The following DCAF4 variants were observed in gnomAD, a reference collection of about 807,000 sequenced individuals.
The protein encoded by DCAF4 is DDB1- and CUL4-associated factor 4.
Under a neutral mutation model 60.9 loss-of-function variants are expected in DCAF4, and 37 were observed. The ratio of observed to expected loss-of-function variants is 0.61; its 90% CI spans 0.47 to 0.80. The LOEUF is 0.80. Among genes scored for constraint, DCAF4 ranks in the 30% least tolerant of loss-of-function variants. The probability of loss-of-function intolerance (pLI) is 0.00; values close to 1 mark genes in which losing one functional copy is unlikely to be tolerated. For synonymous variants in DCAF4, 243 were observed against 254.8 expected (o/e 0.95, Z 0.44); for missense variants, 577 against 650.0 (o/e 0.89, Z 1.22).
downstream of DCAF4, among the ~76,000 whole-genome samples, chr14:72,961,446 A>G (rs541358280): frequency 6.6e-6 from 1 of 152,284 alleles, no homozygotes; most frequent in East Asian, 1.9e-4. Flanking sequence ...CTCTACTCAC[A>G]TGATCCTTTG....
chr14:72,936,260 A>G (rs1013734159), intron 1 of DCAF4, among the ~76,000 whole-genome samples: 4 of 152,184 alleles, frequency 2.6e-5, no homozygotes, highest in African/African-American at 7.2e-5. Context: ...GTTTAGGACA[A>G]TGAATAAGAT....
Position 72,941,971 on chromosome 14 carries a change from C to T in DCAF4, c.431+147C>T, listed in dbSNP as rs1890103663. The T allele has an allele frequency of 3.9e-6, 3 of 775,008 alleles. No individual in the cohort carries two copies. The African/African-American group carries it at 5.2e-5, about 14-fold the overall frequency. The allele number at this position is 775,008 out of a possible 1,614,324, so 48.0% of individuals were successfully genotyped here. On this transcript the variant is annotated intron_variant, in intron 5 of 13. Transcript: ENST00000358377. ...TTGAGGGGCTCCAGTTCACACCCTG[C>T]CTTCTGCTGCTTAAACCCACCCTGA...
chr14:72,929,238 G>C (rs1318278365), intron 1 of DCAF4, among the ~76,000 whole-genome samples: 1 of 152,210 alleles, frequency 6.6e-6, no homozygotes, highest in Admixed American at 6.5e-5. Context: ...TCCCAAACCA[G>C]ACACCATTTT....
downstream of DCAF4, among the ~76,000 whole-genome samples, chr14:72,960,123 CCTGA>C (rs1037243011): frequency 9.6e-5 from 9 of 93,494 alleles, no homozygotes; most frequent in Non-Finnish European, 2.1e-4. Context: ...CTGCCAGTAC[CCTGA>C]CTAATACAGC....
At chr14:72,950,697 A>G (rs189496418) in intron 8 of DCAF4, among the ~76,000 whole-genome samples, 2 of 152,328 alleles carry the variant, frequency 1.3e-5, no homozygotes, top group Non-Finnish European at 2.9e-5. Flanking sequence ...ACCCACATGT[A>G]GTCAGGGAAA....
intron 11 of DCAF4, 151 bp from the exon 12 acceptor site, chr14:72,955,372 C>A: frequency 2.2e-6 from 2 of 893,816 alleles, no homozygotes; most frequent in Admixed American, 4.8e-5. Flanking sequence ...TCCCTTCCAA[C>A]TCCATTGAGA....
chr14:72,947,291 G>A, intron 8 of DCAF4, 100 bp downstream of exon 8: 1 of 1,347,470 alleles, frequency 7.4e-7, no homozygotes, highest in Non-Finnish European at 1.1e-6. Context: ...AGTGACCAGA[G>A]GACTAGACCC....
chr14:72,953,930 A>T (rs377286626), intron 9 of DCAF4, among the ~76,000 whole-genome samples: 2 of 150,088 alleles, frequency 1.3e-5, no homozygotes, highest in Non-Finnish European at 3.0e-5. Context: ...TATCAGTACT[A>T]TTCGTACTGT....
intron 7 of DCAF4, among the ~76,000 whole-genome samples, chr14:72,946,334 G>C (rs1890743420): frequency 6.6e-6 from 1 of 151,980 alleles, no homozygotes; most frequent in Admixed American, 6.6e-5. Flanking sequence ...GAGCCCAGGA[G>C]ATCAAGGCTG....
chr14:72,938,905 T>C (rs1020525740), intron 2 of DCAF4, among the ~76,000 whole-genome samples: 4 of 152,042 alleles, frequency 2.6e-5, no homozygotes, highest in Non-Finnish European at 5.9e-5. Context: ...ATTACATTTA[T>C]TTATTTATTT....
intron 1 of DCAF4, among the ~76,000 whole-genome samples, chr14:72,932,685 C>T (rs1397511357): frequency 6.6e-6 from 1 of 152,150 alleles, no homozygotes; most frequent in Non-Finnish European, 1.5e-5. Context: ...TCGAGTGCTT[C>T]CTACATAGAA....
intron 1 of DCAF4, among the ~76,000 whole-genome samples, chr14:72,930,200 GT>G (rs1258287394): frequency 1.3e-5 from 2 of 151,796 alleles, no homozygotes; most frequent in African/African-American, 2.4e-5. Context: ...GACTAATGAT[GT>G]TGGGTATCTT....
chr14:72,951,170 A>G (rs1211480964), intron 8 of DCAF4, among the ~76,000 whole-genome samples: 1 of 151,926 alleles, frequency 6.6e-6, no homozygotes, highest in African/African-American at 2.4e-5. Flanking sequence ...TTGTAGAGAC[A>G]AGGTTTTGCT....
At chr14:72,927,077 A>T (rs968672661) in intron 1 of DCAF4, 1 of 152,330 alleles carries the variant, frequency 6.6e-6, no homozygotes, top group Non-Finnish European at 1.5e-5. Context: ...GGGGTAGCGC[A>T]CAACTAGCAA....
rs768864757 is a variant in DCAF4, at chr14:72,951,808, A to C, written c.739A>C (p.Met247Leu). Reference protein sequence around the residue: ...HLDSHILLCLMGLAETPGCAT... With the variant: ...HLDSHILLCLLGLAETPGCAT... ...AACAGCTTTTTCCAGGCTATGCCTC[A>C]TGGGACTCGCAGAGACTCCAGGCTG... is the stretch of plus-strand genomic sequence containing the variant. Residue 247 changes from methionine (M) to leucine (L), a missense_variant, in exon 9 of 14, where the codon ATG becomes CTG. By Grantham distance (15) the Met-to-Leu change is conservative. Coordinates refer to ENST00000358377, the MANE Select transcript of DCAF4 (RefSeq NM_015604.4). 6.2e-7 allele frequency: 1 copy of C among 1,614,104 alleles called. No homozygotes were observed.
At chr14:72,945,786 C>A in intron 6 of DCAF4, 98 bp from the exon 7 acceptor site, 1 of 1,495,834 alleles carries the variant, frequency 6.7e-7, no homozygotes, top group Non-Finnish European at 9.1e-7. Flanking sequence ...AGTGAAAATG[C>A]ACAGAGCATG....
chr14:72,939,766 C>A, intron 2 of DCAF4, 36 bp from the exon 3 acceptor site: 2 of 1,572,028 alleles, frequency 1.3e-6, no homozygotes, highest in Non-Finnish European at 1.7e-6. Context: ...GAACTCAAGT[C>A]CTGGGCTGCA....
intron 1 of DCAF4, chr14:72,929,660 C>T (rs1888255307): frequency 7.5e-7 from 1 of 1,339,982 alleles, no homozygotes; most frequent in Non-Finnish European, 1.1e-6. Context: ...GTACCTTGCT[C>T]AGCTCCTCCC....
At chr14:72,938,565 C>T (rs929669099) in intron 2 of DCAF4, among the ~76,000 whole-genome samples, 1 of 152,134 alleles carries the variant, frequency 6.6e-6, no homozygotes, top group African/African-American at 2.4e-5. Context: ...ATAGCACATA[C>T]GTAACACAAA....
Sources: gnomAD v4.1 joint callset for allele counts (sites outside exome capture counted in the v4.1 genomes callset) on GRCh38, gnomAD v4.1.1 for gene constraint, MANE v1.5 for transcripts, NCBI Gene and HGNC (gene_info 2026-07-23, HGNC 2026-07-21) for gene names.